SGCZ: variants seen among roughly 807,000 people sequenced by gnomAD.
SGCZ encodes the protein zeta-sarcoglycan.
Under a neutral mutation model 41.3 loss-of-function variants are expected in SGCZ, and 40 were observed. The observed-to-expected ratio is 0.97, with a 90% CI of 0.75 to 1.26. SGCZ has a LOEUF of 1.26. Ranked by LOEUF, SGCZ falls within the 50% of genes most tolerant of loss-of-function variation. SGCZ has a pLI of 0.00. For synonymous variants in SGCZ, 206 were observed against 137.5 expected, an observed-to-expected ratio of 1.50 and a Z score of -3.49; for missense variants, 552 against 369.8, an observed-to-expected ratio of 1.49 and a Z score of -4.04.
chr8:14,258,771 C>T (rs999875656), intron 3 of SGCZ, among the ~76,000 whole-genome samples: 1 of 152,114 alleles, frequency 6.6e-6, no homozygotes, highest in Non-Finnish European at 1.5e-5. Context: ...TTTAGACAAG[C>T]TTGCATGACC....
intron 1 of SGCZ, among the ~76,000 whole-genome samples, chr8:14,973,970 G>A (rs1244778002): frequency 2.6e-5 from 4 of 152,108 alleles, no homozygotes; most frequent in Non-Finnish European, 4.4e-5. Context: ...AACAGGAAAT[G>A]AATTAAAGAG....
chr8:14,548,035 T>C (rs190929692), intron 2 of SGCZ, among the ~76,000 whole-genome samples: 2 of 152,280 alleles, frequency 1.3e-5, no homozygotes, highest in East Asian at 3.9e-4. Context: ...ATAAGTCTGA[T>C]AGTATATGTT....
At chr8:14,602,490 G>A (rs754950680) in intron 1 of SGCZ, among the ~76,000 whole-genome samples, 1 of 152,032 alleles carries the variant, frequency 6.6e-6, no homozygotes, top group African/African-American at 2.4e-5. Context: ...TTCAAGGCCA[G>A]CCTGGGCAAC....
At chr8:14,163,495 T>C (rs1051474120) in intron 5 of SGCZ, among the ~76,000 whole-genome samples, 5 of 152,170 alleles carry the variant, frequency 3.3e-5, no homozygotes, top group African/African-American at 1.2e-4. Context: ...TCTCTGACAT[T>C]TGCAGTATCA....
At chr8:14,649,423 G>A (rs764134135) in intron 1 of SGCZ, among the ~76,000 whole-genome samples, 7 of 152,036 alleles carry the variant, frequency 4.6e-5, no homozygotes, top group Non-Finnish European at 7.4e-5. Flanking sequence ...AATTCTTCCT[G>A]TTTGAAATAC....
chr8:14,907,409 A>T (rs1799153268), intron 1 of SGCZ, among the ~76,000 whole-genome samples: 1 of 152,056 alleles, frequency 6.6e-6, no homozygotes, highest in African/African-American at 2.4e-5. Context: ...GTTAGTCTCC[A>T]ACTCCTGGGC....
At chr8:14,536,371 T>G (rs1450232102) in intron 2 of SGCZ, among the ~76,000 whole-genome samples, 1 of 151,938 alleles carries the variant, frequency 6.6e-6, no homozygotes, top group Non-Finnish European at 1.5e-5. Flanking sequence ...TGATGACTTC[T>G]GTATCGCACT....
chr8:14,170,656 G>A (rs1447141211), intron 4 of SGCZ, among the ~76,000 whole-genome samples: 1 of 152,056 alleles, frequency 6.6e-6, no homozygotes, highest in Non-Finnish European at 1.5e-5. Context: ...ACAAAATATT[G>A]TTTTTACATT....
intron 1 of SGCZ, among the ~76,000 whole-genome samples, chr8:15,135,154 G>C (rs1253162652): frequency 1.3e-5 from 2 of 152,206 alleles, no homozygotes; most frequent in African/African-American, 2.4e-5. Flanking sequence ...CTAAATTATA[G>C]ATAAATTATG....
At chr8:14,885,066 C>G (rs907135152) in intron 1 of SGCZ, among the ~76,000 whole-genome samples, 15 of 152,172 alleles carry the variant, frequency 9.9e-5, no homozygotes, top group African/African-American at 3.6e-4. Flanking sequence ...ATGTCACCTT[C>G]TCTGGAAATA....
intron 1 of SGCZ, among the ~76,000 whole-genome samples, chr8:15,034,928 A>G (rs1257299234): frequency 6.6e-6 from 1 of 152,196 alleles, no homozygotes; most frequent in Non-Finnish European, 1.5e-5. Context: ...ATTCAGTACC[A>G]TCGGACTTGT....
intron 1 of SGCZ, among the ~76,000 whole-genome samples, chr8:15,007,645 C>T (rs961623819): frequency 6.6e-6 from 1 of 152,060 alleles, no homozygotes; most frequent in Non-Finnish European, 1.5e-5. Flanking sequence ...TCTATAATTA[C>T]CTATAATTTC....
chr8:15,003,104 G>T (rs1283404563), intron 1 of SGCZ, among the ~76,000 whole-genome samples: 1 of 152,086 alleles, frequency 6.6e-6, no homozygotes, highest in Non-Finnish European at 1.5e-5. Context: ...ATTAAAAGAG[G>T]TATATTGTCA....
chr8:14,771,050 A>T (rs1800220572), intron 1 of SGCZ, among the ~76,000 whole-genome samples: 4 of 152,154 alleles, frequency 2.6e-5, no homozygotes, highest in Admixed American at 2.6e-4. Flanking sequence ...AAACAGAGAG[A>T]AAAGGTCAAG....
intron 1 of SGCZ, among the ~76,000 whole-genome samples, chr8:14,866,569 G>A (rs556520112): frequency 2.0e-5 from 3 of 152,172 alleles, no homozygotes; most frequent in South Asian, 2.1e-4. Context: ...CAGCACTTTC[G>A]GAGGCCAAGA....
At chr8:14,142,996 A>T (rs1803416017) in intron 5 of SGCZ, among the ~76,000 whole-genome samples, 1 of 127,928 alleles carries the variant, frequency 7.8e-6, no homozygotes, top group African/African-American at 3.0e-5. Context: ...TTTCTTTATA[A>T]ATTAAAAAAA....
chr8:14,906,626 G>A (rs953045469), intron 1 of SGCZ, among the ~76,000 whole-genome samples: 3 of 152,122 alleles, frequency 2.0e-5, no homozygotes, highest in African/African-American at 7.2e-5. Flanking sequence ...TTTGGTATTT[G>A]TACTAAATCC....
intron 3 of SGCZ, among the ~76,000 whole-genome samples, chr8:14,259,740 A>T (rs1053861575): frequency 3.3e-5 from 5 of 149,974 alleles, no homozygotes; most frequent in African/African-American, 1.2e-4. Context: ...GAAATCAGGT[A>T]GTGTGATGCC....
intron 1 of SGCZ, among the ~76,000 whole-genome samples, chr8:14,586,683 G>T (rs988380716): frequency 6.6e-6 from 1 of 152,108 alleles, no homozygotes; most frequent in Non-Finnish European, 1.5e-5. Context: ...CATTACTGTG[G>T]TCAAAACTGC....
Sources: allele counts gnomAD v4.1 joint callset (sites outside exome capture counted in the v4.1 genomes callset), GRCh38; gene constraint gnomAD v4.1.1; transcripts MANE v1.5; gene names NCBI Gene and HGNC (gene_info 2026-07-23, HGNC 2026-07-21).